Variants in NID2 observed in about 807,000 individuals in gnomAD.
The protein encoded by NID2 is nidogen 2, also known as nidogen-2.
NID2 carries 83 observed loss-of-function variants against 145.4 expected under a neutral mutation model. The observed-to-expected ratio is 0.57, with a 90% confidence interval of 0.48 to 0.69. NID2 has a LOEUF of 0.69. Ranked by LOEUF, NID2 falls within the 30% of genes least tolerant of loss-of-function variation. The pLI is 0.00. For synonymous variants in NID2, 739 were observed against 701.3 expected, an observed-to-expected ratio of 1.05 and a Z score of -0.85; for missense variants, 1,807 against 1,765.7, an observed-to-expected ratio of 1.02 and a Z score of -0.42.
In NID2 at chr14:52,005,282, A is replaced by T. The variant is rs1222406395; in HGVS notation, c.*204T>A. The T allele has an allele frequency of 2.4e-6, 1 of 414,266 alleles. No individual in the cohort carries two copies. Among genetic ancestry groups the T allele is most frequent in the Non-Finnish European group, 4.2e-6 (1 of 237,422 alleles). 25.7% of individuals were successfully genotyped at this position (414,266 alleles called of 1,614,324 possible). A position where few individuals can be genotyped will look rare whatever the true frequency, so the allele number is the denominator to read the frequency against. On this transcript the variant is annotated 3_prime_UTR_variant, in exon 22 of 22. Transcript: ENST00000216286. ...GTTACCTTTTTAAACTTGCAATAAC[A>T]ACCTTCATTTTTAAAAATACAGTAG...
chr14:52,041,544 C>T (rs1393336198), intron 7 of NID2, among the ~76,000 whole-genome samples: 1 of 152,174 alleles, frequency 6.6e-6, no homozygotes, highest in East Asian at 1.9e-4. Context: ...GTGGCCTTTC[C>T]AGCAACACTG....
chr14:52,068,069 G>A lies in NID2; in HGVS notation c.323C>T (p.Pro108Leu). The A allele has an allele frequency of 4.3e-6, 7 of 1,613,834 alleles. No individual in the cohort carries two copies. Among genetic ancestry groups the A allele is most frequent in the Non-Finnish European group, 5.9e-6 (7 of 1,179,958 alleles). ...GCTCGTGTCGATGTCCGCCAGAAAA[G>A]GGGCGATGGCCGGGAAGTCGGTGGG... Reference protein sequence around the residue: ...DFPTDFPAIAPFLADIDTSHG... With the variant: ...DFPTDFPAIALFLADIDTSHG... The change falls in exon 2 of 22, where the codon CCT becomes CTT. Residue 108 changes from proline to leucine, a missense_variant. Transcript: ENST00000216286.
intron 9 of NID2, among the ~76,000 whole-genome samples, chr14:52,030,537 A>AGG (rs1891783758): frequency 1.8e-5 from 1 of 55,866 alleles, no homozygotes; most frequent in Non-Finnish European, 3.9e-5. Context: ...AGAAAGAAAG[A>AGG]AAGAAAGAAA....
chr14:52,047,672 A>T (rs1376752999), intron 5 of NID2, among the ~76,000 whole-genome samples: 1 of 152,046 alleles, frequency 6.6e-6, no homozygotes, highest in Non-Finnish European at 1.5e-5. Context: ...GGTAGACTGG[A>T]TGTGGGATGA....
chr14:52,041,963 G>T (rs1892294890), intron 7 of NID2, 142 bp downstream of exon 7: 1 of 1,024,342 alleles, frequency 9.8e-7, no homozygotes, highest in Non-Finnish European at 1.4e-6. Flanking sequence ...ACAACCTGTG[G>T]CCAGAAAACT....
rs1891695246 is a variant in NID2 at position 52,028,858 on chromosome 14, G to A, written c.2402-8C>T. 3 of 1,612,180 alleles carry A rather than the reference G, an allele frequency of 1.9e-6. No homozygotes were observed. Among genetic ancestry groups the A allele is most frequent in the South Asian group, 2.2e-5 (2 of 90,538 alleles). ...TTGCACATTCATTTTCATCTAAGAA[G>A]AAATGAGAAGAGAAAAATTCTGCTT... On this transcript the variant is annotated splice_polypyrimidine_tract_variant and splice_region_variant and intron_variant, in intron 10 of 21. Transcript: ENST00000216286.
chr14:52,068,271 T>G, intron 1 of NID2, 108 bp from the exon 2 acceptor site: 4 of 1,097,928 alleles, frequency 3.6e-6, no homozygotes, highest in Non-Finnish European at 5.4e-6. Context: ...CTCTCTCTCC[T>G]TCCCCACTGG....
chr14:52,014,460 T>A lies in NID2; in HGVS notation c.3251-4A>T, dbSNP rs1038494251. ...GGTGGAGCGACGGTGGGTATACCTGTGGGAGAGAGGGTGGGAGAGCAGGAA... is the reference window on the plus strand; with the variant it reads ...GGTGGAGCGACGGTGGGTATACCTGAGGGAGAGAGGGTGGGAGAGCAGGAA... On this transcript the variant is annotated splice_polypyrimidine_tract_variant and splice_region_variant and intron_variant, in intron 15 of 21. Coordinates refer to ENST00000216286, the MANE Select transcript of NID2 (RefSeq NM_007361.4). The A allele has an allele frequency of 6.2e-7, 1 of 1,603,430 alleles. No individual in the cohort carries two copies. Among genetic ancestry groups the A allele is most frequent in the Admixed American group, 1.7e-5 (1 of 57,580 alleles).
At chr14:52,054,453 G>T in intron 3 of NID2, 132 bp from the exon 4 acceptor site, 1 of 951,724 alleles carries the variant, frequency 1.1e-6, no homozygotes, top group Non-Finnish European at 1.5e-6. Context: ...TATAATCCCA[G>T]CACTTTGCAA....
At chr14:52,065,252 T>C (rs376148125) in intron 2 of NID2, among the ~76,000 whole-genome samples, 1 of 152,194 alleles carries the variant, frequency 6.6e-6, no homozygotes, top group Non-Finnish European at 1.5e-5. Context: ...CCAGTAACTT[T>C]GCAATATAAA....
chr14:52,062,815 TATTC>T lies in NID2; in HGVS notation c.535-2463_535-2460del, dbSNP rs535290267. On this transcript the variant is annotated intron_variant, in intron 2 of 21. Transcript: ENST00000216286. ...ACTCTGGGCATTTAGCACTTTATTTTATTCATTCATTCATTCAACCAGCCAACAA... is the reference window on the plus strand; with the variant it reads ...ACTCTGGGCATTTAGCACTTTATTTTATTCATTCATTCAACCAGCCAACAA... Among the ~76,000 whole-genome samples, 319 of 152,288 alleles carry T rather than the reference TATTC, an allele frequency of 2.1e-3. 2 individuals carry two copies. Among genetic ancestry groups the T allele is most frequent in the African/African-American group, 7.4e-3 (309 of 41,562 alleles).
At chr14:52,030,584 A>AG (rs752845785) in intron 9 of NID2, among the ~76,000 whole-genome samples, 13,729 of 32,452 alleles carry the variant, frequency 0.42, 1,701 homozygotes, top group Non-Finnish European at 0.47. Flanking sequence ...AAGGGAAAGA[A>AG]AGAAAGAAAG....
At chr14:52,055,234 C>T (rs1190400485) in intron 3 of NID2, among the ~76,000 whole-genome samples, 3 of 152,302 alleles carry the variant, frequency 2.0e-5, no homozygotes, top group East Asian at 1.9e-4. Context: ...TCAGTTAACA[C>T]CAAAGCCCAT....
At chr14:52,005,523 AG>A in intron 21 of NID2, 27 bp from the exon 22 acceptor site, 6 of 1,594,792 alleles carry the variant, frequency 3.8e-6, no homozygotes, top group Non-Finnish European at 5.1e-6. Flanking sequence ...GGGGTGGGAC[AG>A]GGTGGTGGGT....
chr14:52,010,940 G>A lies in NID2; in HGVS notation c.3658C>T (p.Arg1220Cys), dbSNP rs554180806. 9.3e-6 allele frequency: 15 copies of A among 1,614,040 alleles called. No individual in the cohort carries two copies. The highest frequency in any genetic ancestry group is 2.2e-5 in the East Asian group (1 of 44,878). Reference protein sequence around the residue: ...IESALLDGSERKVLFYTDLVN... With the variant: ...IESALLDGSECKVLFYTDLVN... ...AGATCTGTGTAGAAGAGGACCTTGC[G>A]CTCAGAGCCATCCAGCAGGGCGCTC... The change falls in exon 18 of 22, where the codon CGC (arginine) becomes TGC (cysteine). Residue 1220 changes from arginine to cysteine, a missense_variant. Coordinates refer to ENST00000216286, the MANE Select transcript of NID2 (RefSeq NM_007361.4).
intron 13 of NID2, 144 bp downstream of exon 13, chr14:52,019,915 G>T: frequency 9.0e-7 from 1 of 1,111,210 alleles, no homozygotes; most frequent in African/African-American, 1.6e-5. Flanking sequence ...CTAGGCAGCA[G>T]GAGGTAACCA....
At position 52,010,632 on chromosome 14, in the gene NID2, C is replaced by T. The variant is rs531660521; in HGVS notation, c.3722+244G>A. The stretch of plus-strand genomic sequence containing the variant: ...TCTGAATTTTCTACATATCACATCA[C>T]AGACTAATATTGTTTATACCAGTCT... On this transcript the variant is annotated intron_variant, in intron 18 of 21. Transcript: ENST00000216286. 1.5e-5 allele frequency: 6 copies of T among 399,270 alleles called. No individual in the cohort carries two copies. The South Asian group carries it at 2.4e-4, about 16-fold the overall frequency. 24.7% of individuals were successfully genotyped at this position (399,270 alleles called of 1,614,324 possible).
At position 52,028,862 on chromosome 14, in the gene NID2, TGAGAA is replaced by T; in HGVS notation, c.2402-17_2402-13del. ...ACATTCATTTTCATCTAAGAAGAAA[TGAGAA>T]GAGAAAAATTCTGCTTAATTCAAGG... On this transcript the variant is annotated splice_polypyrimidine_tract_variant and intron_variant, in intron 10 of 21. Coordinates refer to ENST00000216286, the MANE Select transcript of NID2 (RefSeq NM_007361.4). 1 of 1,611,836 alleles carries T rather than the reference TGAGAA, an allele frequency of 6.2e-7. No individual in the cohort carries two copies. Among genetic ancestry groups the T allele is most frequent in the East Asian group, 2.2e-5 (1 of 44,830 alleles).
chr14:52,048,776 G>A (rs1236980029), intron 5 of NID2, among the ~76,000 whole-genome samples: 1 of 152,172 alleles, frequency 6.6e-6, no homozygotes, highest in East Asian at 1.9e-4. Flanking sequence ...AAATAGTATG[G>A]TCAGGGAAGA....
Sources: gnomAD v4.1 joint callset for allele counts (sites outside exome capture counted in the v4.1 genomes callset) on GRCh38, gnomAD v4.1.1 for gene constraint, MANE v1.5 for transcripts, NCBI Gene and HGNC (gene_info 2026-07-23, HGNC 2026-07-21) for gene names.